QKI: variants seen among roughly 807,000 people sequenced by gnomAD.
QKI encodes the protein QKI, KH domain containing RNA binding.
QKI carries 10 observed loss-of-function variants against 39.0 expected under a neutral mutation model. That is an observed-to-expected ratio of 0.26 (90% CI 0.16 to 0.43). The LOEUF is 0.43. QKI is among the 20% of genes least tolerant of loss of function. QKI has a pLI of 1.00. For missense variants in QKI, 218 were observed against 428.0 expected, an observed-to-expected ratio of 0.51 and a Z score of 4.33; for synonymous variants, 204 against 155.4, an observed-to-expected ratio of 1.31 and a Z score of -2.33.
At chr6:163,430,633 A>C (rs1246224925) in intron 1 of QKI, among the ~76,000 whole-genome samples, 1 of 152,174 alleles carries the variant, frequency 6.6e-6, no homozygotes, top group African/African-American at 2.4e-5. Context: ...AGGATAGATT[A>C]GTTGTCAGCA....
intron 3 of QKI, among the ~76,000 whole-genome samples, chr6:163,480,831 A>G (rs1317334485): frequency 1.3e-5 from 2 of 152,232 alleles, no homozygotes; most frequent in Admixed American, 6.5e-5. Flanking sequence ...GACAACTGGC[A>G]GATATATAAA....
intron 3 of QKI, among the ~76,000 whole-genome samples, chr6:163,502,988 C>T (rs1778867115): frequency 6.6e-6 from 1 of 152,150 alleles, no homozygotes; most frequent in African/African-American, 2.4e-5. Context: ...GTTCTCTTTT[C>T]CTCTTAGCCT....
At chr6:163,544,263 T>C (rs1045219430) in intron 4 of QKI, among the ~76,000 whole-genome samples, 5 of 152,054 alleles carry the variant, frequency 3.3e-5, no homozygotes, top group African/African-American at 1.2e-4. Context: ...ATAAATAATC[T>C]AGAGATGATT....
chr6:163,439,354 T>TTGGG (rs201292493), intron 1 of QKI, among the ~76,000 whole-genome samples: 1 of 133,362 alleles, frequency 7.5e-6, no homozygotes, highest in African/African-American at 2.9e-5. Flanking sequence ...TTTTTTTTTT[T>TTGGG]CGGGGGGGTG....
intron 3 of QKI, among the ~76,000 whole-genome samples, chr6:163,531,695 C>T (rs1286997705): frequency 6.6e-6 from 1 of 152,132 alleles, no homozygotes; most frequent in African/African-American, 2.4e-5. Context: ...ATAATAGACA[C>T]AGGGTCTGAC....
In QKI at chr6:163,575,436, A is replaced by G. The variant is rs1783926171; in HGVS notation, c.*4726A>G. ...TTAAACATGAAACTACCAAATTCCA[A>G]GAATAGTAAAATTCTAGAGTCAGTT... On this transcript the variant is annotated 3_prime_UTR_variant, in exon 8 of 8. Coordinates refer to ENST00000361752, the MANE Select transcript of QKI (RefSeq NM_006775.3). 1 of 152,242 alleles carries G rather than the reference A, an allele frequency of 6.6e-6. No individual in the cohort carries two copies. Among genetic ancestry groups the G allele is most frequent in the Non-Finnish European group, 1.5e-5 (1 of 68,050 alleles). The allele number at this position is 152,242 out of a possible 1,614,324, so 9.4% of individuals were successfully genotyped here. A position where few individuals can be genotyped will look rare whatever the true frequency, so the allele number is the denominator to read the frequency against.
chr6:163,562,885 A>C (rs1426969774), intron 5 of QKI, among the ~76,000 whole-genome samples: 4 of 152,320 alleles, frequency 2.6e-5, no homozygotes, highest in Non-Finnish European at 5.9e-5. Flanking sequence ...GGAATTTAGA[A>C]GTAGGGCTTT....
chr6:163,510,866 T>C (rs1336983730), intron 3 of QKI, among the ~76,000 whole-genome samples: 1 of 56,732 alleles, frequency 1.8e-5, no homozygotes, highest in African/African-American at 3.0e-5. Flanking sequence ...TGTAACTCTT[T>C]CAGCAACTAA....
intron 4 of QKI, among the ~76,000 whole-genome samples, chr6:163,538,841 TATG>T (rs1255211947): frequency 1.3e-5 from 2 of 152,210 alleles, no homozygotes; most frequent in African/African-American, 4.8e-5. Context: ...CTTGGTGTGA[TATG>T]ATATGTGATA....
chr6:163,471,445 C>G (rs1792175632), intron 2 of QKI, among the ~76,000 whole-genome samples: 1 of 151,974 alleles, frequency 6.6e-6, no homozygotes, highest in Non-Finnish European at 1.5e-5. Flanking sequence ...CATATTTGTA[C>G]AAAGTGAAAA....
chr6:163,500,408 A>G (rs1052541824), intron 3 of QKI, among the ~76,000 whole-genome samples: 2 of 152,172 alleles, frequency 1.3e-5, no homozygotes, highest in Non-Finnish European at 2.9e-5. Flanking sequence ...TTTTATTTCC[A>G]TGCTGTTAGA....
intron 1 of QKI, among the ~76,000 whole-genome samples, chr6:163,419,243 A>G (rs181045194): frequency 1.9e-3 from 293 of 152,116 alleles, no homozygotes; most frequent in Non-Finnish European, 2.4e-3. Context: ...TTTCATGTTA[A>G]TGTTTATTTT....
chr6:163,455,091 AAATT>A, intron 1 of QKI, 184 bp from the exon 2 acceptor site: 1 of 407,318 alleles, frequency 2.5e-6, no homozygotes. Flanking sequence ...TTTGTAGTAG[AAATT>A]AATTAAGGCT....
intron 3 of QKI, among the ~76,000 whole-genome samples, chr6:163,496,940 T>C (rs1160925640): frequency 6.6e-6 from 1 of 152,188 alleles, no homozygotes; most frequent in Non-Finnish European, 1.5e-5. Context: ...ACATATATAT[T>C]ACTACCACCC....
At chr6:163,560,296 G>A (rs534597557) in intron 4 of QKI, among the ~76,000 whole-genome samples, 1 of 152,262 alleles carries the variant, frequency 6.6e-6, no homozygotes, top group South Asian at 2.1e-4. Context: ...AACAAAATGA[G>A]TATATTGCAG....
At chr6:163,569,490 A>G (rs2128252516) in intron 7 of QKI, 1 of 1,273,032 alleles carries the variant, frequency 7.9e-7, no homozygotes, top group Non-Finnish European at 1.0e-6. Context: ...TATAGTAGAA[A>G]TAATTAAGCT....
chr6:163,447,154 C>G (rs903745220), intron 1 of QKI, among the ~76,000 whole-genome samples: 1 of 151,866 alleles, frequency 6.6e-6, no homozygotes, highest in Non-Finnish European at 1.5e-5. Flanking sequence ...GCTGGTTAGA[C>G]TAGCTGTGAC....
intron 3 of QKI, among the ~76,000 whole-genome samples, chr6:163,495,767 C>T (rs571027229): frequency 1.5e-4 from 23 of 152,214 alleles, no homozygotes; most frequent in African/African-American, 5.1e-4. Flanking sequence ...TTCTTCATGA[C>T]TAGATTCAGG....
Position 163,464,445 on chromosome 6 carries a change from A to G in QKI, c.285+9024A>G, listed in dbSNP as rs1345507306. 7.9e-5 allele frequency among the ~76,000 whole-genome samples: 12 copies of G among 152,272 alleles called. No individual in the cohort carries two copies. The East Asian group carries it at 2.3e-3, about 29-fold the overall frequency. ...AGTTGGTTTTTGAAAAGGTAAACAA[A>G]ATTGACAGACCTTTAGTTGGACTAA... On this transcript the variant is annotated intron_variant, in intron 2 of 7. Transcript: ENST00000361752.
Sources: allele counts gnomAD v4.1 joint callset (sites outside exome capture counted in the v4.1 genomes callset), GRCh38; gene constraint gnomAD v4.1.1; transcripts MANE v1.5; gene names NCBI Gene and HGNC (gene_info 2026-07-23, HGNC 2026-07-21).